Variants in CFAP47 observed in about 807,000 individuals in gnomAD.
The protein encoded by CFAP47 is cilia- and flagella-associated protein 47.
CFAP47 carries 29 observed loss-of-function variants against 148.1 expected under a neutral mutation model. The ratio of observed to expected loss-of-function variants is 0.20; its 90% CI spans 0.15 to 0.27. The LOEUF is 0.27. Ranked by LOEUF, CFAP47 falls within the 10% of genes least tolerant of loss-of-function variation. The pLI, the probability that CFAP47 is intolerant of heterozygous loss-of-function variation, is 1.00. For missense variants in CFAP47, 1,872 were observed against 1,697.5 expected (o/e 1.10, Z -1.81); for synonymous variants, 664 against 577.3 (o/e 1.15, Z -2.15).
chrX:36,131,372 G>A (rs1938945681), intron 33 of CFAP47, among the ~76,000 whole-genome samples: 1 of 110,959 alleles, frequency 9.0e-6, no homozygotes, highest in African/African-American at 3.3e-5. Context: ...ATTAACTAAT[G>A]AGAGAGGTTA....
At chrX:36,145,095 GTGTGTGTGTGTGTGTA>G (rs1163458659) in intron 35 of CFAP47, 108 bp from the exon 36 acceptor site, 1 of 346,858 alleles carries the variant, frequency 2.9e-6, no homozygotes, top group Non-Finnish European at 4.9e-6. Flanking sequence ...GTGTGTGTGT[GTGTGTGTGTGTGTGTA>G]TGTGTGTGTA....
intron 29 of CFAP47, 68 bp from the exon 30 acceptor site, chrX:36,085,246 C>A: frequency 1.5e-6 from 1 of 650,820 alleles, no homozygotes; most frequent in Non-Finnish European, 2.4e-6. Flanking sequence ...TTGAATTGAA[C>A]ATGTTTTTTT....
intron 33 of CFAP47, among the ~76,000 whole-genome samples, chrX:36,125,592 C>T (rs749423070): frequency 2.1e-4 from 23 of 111,194 alleles, no homozygotes; most frequent in African/African-American, 6.2e-4. Context: ...TATGTTTATT[C>T]GCCAACTGTT....
At chrX:36,375,637 T>C (rs1289679533) in intron 62 of CFAP47, among the ~76,000 whole-genome samples, 5 of 112,582 alleles carry the variant, frequency 4.4e-5, no homozygotes, top group Non-Finnish European at 9.4e-5. Context: ...TCTTTGGTGG[T>C]GTAATATTTC....
At position 36,347,566 on chromosome X, in the gene CFAP47, G is replaced by A. The variant is rs1159961099; in HGVS notation, c.8444-563G>A. 4.5e-5 allele frequency among the ~76,000 whole-genome samples: 5 copies of A among 112,135 alleles called. No homozygotes were observed. In the Admixed American group the frequency reaches 4.7e-4, roughly 11 times the overall value. On this transcript the variant is annotated intron_variant, in intron 57 of 63. Coordinates refer to ENST00000378653, the MANE Select transcript of CFAP47 (RefSeq NM_001304548.2). Reference sequence around the variant, plus strand: ...CAATGATAGACTAGATTAACAAAATGTGACACATATACACCACGGAATGCT... The same window carrying A: ...CAATGATAGACTAGATTAACAAAATATGACACATATACACCACGGAATGCT...
chrX:36,014,730 G>A (rs754744381), intron 21 of CFAP47, 44 bp from the exon 22 acceptor site: 70 of 282,416 alleles, frequency 2.5e-4, no homozygotes, highest in African/African-American at 1.6e-3. Flanking sequence ...CCCATATTTC[G>A]CAAAGCAAAA....
intron 18 of CFAP47, among the ~76,000 whole-genome samples, chrX:35,994,677 A>T (rs1208838196): frequency 1.8e-5 from 2 of 111,364 alleles, no homozygotes; most frequent in Non-Finnish European, 3.8e-5. Context: ...TTTAAACACA[A>T]TATCTGGGAA....
In CFAP47 at chrX:36,324,150, T is replaced by TAGGTGAATTGTGATTTCAAAGGACATCC. The variant is rs1941499606; in HGVS notation, c.8443+4844_8443+4871dup. ...AATAACCAAGAACGACACAAGAGTG[T>TAGGTGAATTGTGATTTCAAAGGACATCC]AGGTGAATTGTGATTTCAAAGGACA... On this transcript the variant is annotated intron_variant, in intron 57 of 63. Transcript: ENST00000378653. 4.5e-5 allele frequency among the ~76,000 whole-genome samples: 5 copies of TAGGTGAATTGTGATTTCAAAGGACATCC among 111,716 alleles called. No individual in the cohort carries two copies. The South Asian group carries it at 1.9e-3, about 42-fold the overall frequency.
chrX:36,041,246 G>T (rs5973563), intron 25 of CFAP47, among the ~76,000 whole-genome samples: 1 of 110,172 alleles, frequency 9.1e-6, no homozygotes. Context: ...AAGTTGACAA[G>T]GAACAAAACA....
intron 2 of CFAP47, among the ~76,000 whole-genome samples, chrX:35,933,723 T>C (rs1285066838): frequency 2.7e-5 from 3 of 112,034 alleles, no homozygotes; most frequent in African/African-American, 9.7e-5. Flanking sequence ...TCCACATCCT[T>C]GCTAGCATTT....
At position 36,313,263 on chromosome X, in the gene CFAP47, C is replaced by CTTCA. The variant is rs1941408287; in HGVS notation, c.8344+2276_8344+2279dup. Among the ~76,000 whole-genome samples the CTTCA allele has an allele frequency of 2.7e-5, 3 of 111,235 alleles. No homozygotes were observed. In the South Asian group the frequency reaches 1.1e-3, roughly 42 times the overall value. On this transcript the variant is annotated intron_variant, in intron 56 of 63. Coordinates refer to ENST00000378653, the MANE Select transcript of CFAP47 (RefSeq NM_001304548.2). The stretch of plus-strand genomic sequence containing the variant: ...AAAGAGGTTTAATTGACTCACAGTT[C>CTTCA]TTCATGGCTGGGGAGGCCTCAGGAA...
At chrX:36,278,375 G>C (rs782120876) in intron 49 of CFAP47, among the ~76,000 whole-genome samples, 7 of 112,793 alleles carry the variant, frequency 6.2e-5, no homozygotes, top group African/African-American at 1.3e-4. Flanking sequence ...GCAAGGCTCC[G>C]TGGGCGTGGG....
At chrX:36,310,255 A>C (rs914860608) in intron 55 of CFAP47, among the ~76,000 whole-genome samples, 2 of 111,285 alleles carry the variant, frequency 1.8e-5, no homozygotes, top group Non-Finnish European at 3.8e-5. Flanking sequence ...CTTAGATAAA[A>C]ATAATAGCCA....
At chrX:36,148,651 C>T (rs1173679545) in intron 36 of CFAP47, among the ~76,000 whole-genome samples, 1 of 111,874 alleles carries the variant, frequency 8.9e-6, no homozygotes, top group Non-Finnish European at 1.9e-5. Context: ...CCATTATATT[C>T]AGCCTGAAAC....
chrX:36,042,364 C>T (rs1937415918), intron 25 of CFAP47, among the ~76,000 whole-genome samples: 1 of 111,246 alleles, frequency 9.0e-6, no homozygotes, highest in African/African-American at 3.3e-5. Flanking sequence ...CTGTCATTAT[C>T]TGTATATTAG....
intron 55 of CFAP47, among the ~76,000 whole-genome samples, chrX:36,310,000 GAAGT>G (rs1165703982): frequency 6.2e-3 from 681 of 110,647 alleles, no homozygotes; most frequent in African/African-American, 0.021. Flanking sequence ...CTCCTTATTT[GAAGT>G]AATCTTCAAG....
chrX:35,924,379 GCA>G (rs1170528830), intron 1 of CFAP47, among the ~76,000 whole-genome samples: 1 of 102,713 alleles, frequency 9.7e-6, no homozygotes, highest in Non-Finnish European at 1.9e-5. Flanking sequence ...GTGCATATAT[GCA>G]CACATATGTG....
intron 57 of CFAP47, among the ~76,000 whole-genome samples, chrX:36,327,090 A>G (rs781822879): frequency 9.0e-6 from 1 of 110,913 alleles, no homozygotes; most frequent in South Asian, 3.8e-4. Context: ...TGCAAAAAAA[A>G]CAAAAAATTG....
Position 36,059,235 on chromosome X carries a change from G to A in CFAP47, c.4218-6408G>A, listed in dbSNP as rs6629034. ...CTAAGAGATATAAGGAGAAGAGCCT[G>A]TAAAAAGCATGGTTTGGATAGGTCA... On this transcript the variant is annotated intron_variant, in intron 26 of 63. Transcript: ENST00000378653. 9.2e-3 allele frequency among the ~76,000 whole-genome samples: 1,027 copies of A among 111,649 alleles called. 35 individuals carry two copies. The highest frequency in any genetic ancestry group is 0.075 in the Admixed American group (778 of 10,400).
Sources: gnomAD v4.1 joint callset for allele counts (sites outside exome capture counted in the v4.1 genomes callset) on GRCh38, gnomAD v4.1.1 for gene constraint, MANE v1.5 for transcripts, NCBI Gene and HGNC (gene_info 2026-07-23, HGNC 2026-07-21) for gene names.